MYO10: variants seen among roughly 807,000 people sequenced by gnomAD.
MYO10 encodes the protein unconventional myosin-X.
A neutral mutation model predicts 257.3 loss-of-function variants in MYO10; 133 were observed. The observed-to-expected ratio is 0.52, with a 90% confidence interval of 0.45 to 0.60. The LOEUF (loss-of-function observed/expected upper bound fraction) is 0.60, where lower values mean the gene tolerates loss of function less well. MYO10 is among the 20% of genes least tolerant of loss of function. The pLI, the probability that MYO10 is intolerant of heterozygous loss-of-function variation, is 0.00. For synonymous variants in MYO10, 1,104 were observed against 1,028.6 expected, an observed-to-expected ratio of 1.07 and a Z score of -1.40; for missense variants, 2,399 against 2,635.7, an observed-to-expected ratio of 0.91 and a Z score of 1.97.
chr5:16,789,648 C>T (rs1741695797), intron 4 of MYO10, among the ~76,000 whole-genome samples: 1 of 152,090 alleles, frequency 6.6e-6, no homozygotes, highest in African/African-American at 2.4e-5. Flanking sequence ...AAAAAGTTAG[C>T]CAGCCATGAT....
chr5:16,668,295 C>G lies in MYO10; in HGVS notation c.6057G>C (p.Leu2019=). 1.9e-6 allele frequency: 3 copies of G among 1,612,266 alleles called. No homozygotes were observed. The highest frequency in any genetic ancestry group is 2.5e-6 in the Non-Finnish European group (3 of 1,179,216). ...TYKIVVDERE[L]LFETSEVVDV... The stretch of plus-strand genomic sequence containing the variant: ...CTCTTACCTCACTGGTTTCAAAGAG[C>G]AGCTCCCTCTCATCGACCACGATCT... The change falls in exon 40 of 41, where the codon CTG becomes CTC. Residue 2019 remains leucine (L), a synonymous_variant. Coordinates refer to ENST00000513610, the MANE Select transcript of MYO10 (RefSeq NM_012334.3).
intron 2 of MYO10, among the ~76,000 whole-genome samples, chr5:16,862,461 G>A (rs539215788): frequency 2.0e-5 from 3 of 152,228 alleles, no homozygotes; most frequent in South Asian, 2.1e-4. Context: ...AAATCACACC[G>A]GCATTAAATG....
intron 2 of MYO10, among the ~76,000 whole-genome samples, chr5:16,854,864 T>C (rs2560859): frequency 0.033 from 4,942 of 152,030 alleles, 266 homozygotes; most frequent in African/African-American, 0.11. Flanking sequence ...AAACTCTATC[T>C]CTACTAAAAA....
At chr5:16,685,939 G>T in intron 28 of MYO10, 108 bp from the exon 29 acceptor site, 1 of 787,822 alleles carries the variant, frequency 1.3e-6, no homozygotes, top group Non-Finnish European at 2.1e-6. Context: ...AAGCACCTTT[G>T]CTTTTAATTT....
chr5:16,923,290 CTTCTT>C (rs1468444795), intron 1 of MYO10, among the ~76,000 whole-genome samples: 2 of 151,562 alleles, frequency 1.3e-5, no homozygotes, highest in South Asian at 2.1e-4. Context: ...GCACTAAACT[CTTCTT>C]TTTTTTTTTT....
intron 1 of MYO10, among the ~76,000 whole-genome samples, chr5:16,924,566 AC>A (rs1421768930): frequency 6.6e-6 from 1 of 152,220 alleles, no homozygotes; most frequent in Non-Finnish European, 1.5e-5. Context: ...TCAAATAGGC[AC>A]GCAATGACTT....
chr5:16,724,549 G>T (rs898799341), intron 19 of MYO10, among the ~76,000 whole-genome samples: 1 of 151,066 alleles, frequency 6.6e-6, no homozygotes, highest in African/African-American at 2.5e-5. Flanking sequence ...TGCCCAAAAC[G>T]CAGCTCGATA....
At chr5:16,764,417 C>T (rs1740806378) in intron 11 of MYO10, 21 bp from the exon 12 acceptor site, 30 of 1,612,610 alleles carry the variant, frequency 1.9e-5, no homozygotes, top group Non-Finnish European at 2.5e-5. Flanking sequence ...GAAACCAGCA[C>T]AGACTCAGCT....
intron 2 of MYO10, among the ~76,000 whole-genome samples, chr5:16,826,271 C>T (rs1017410214): frequency 2.6e-5 from 4 of 152,114 alleles, no homozygotes; most frequent in Non-Finnish European, 4.4e-5. Flanking sequence ...CTACCTATAA[C>T]TTAAGGACAA....
At chr5:16,706,190 C>T (rs1242728410) in intron 21 of MYO10, among the ~76,000 whole-genome samples, 1 of 151,930 alleles carries the variant, frequency 6.6e-6, no homozygotes, top group African/African-American at 2.4e-5. Flanking sequence ...CTCAAAGCAA[C>T]ATATATACAT....
At chr5:16,892,225 C>T (rs1183845000) in intron 1 of MYO10, among the ~76,000 whole-genome samples, 1 of 152,194 alleles carries the variant, frequency 6.6e-6, no homozygotes, top group Non-Finnish European at 1.5e-5. Context: ...TCCAGCTCTT[C>T]TACCCATAGC....
intron 3 of MYO10, among the ~76,000 whole-genome samples, chr5:16,817,228 G>A (rs991540574): frequency 2.0e-5 from 3 of 152,102 alleles, no homozygotes; most frequent in Non-Finnish European, 4.4e-5. Context: ...TATAATTTTG[G>A]CTTAAAAACT....
At chr5:16,885,730 T>C (rs931748914) in intron 1 of MYO10, among the ~76,000 whole-genome samples, 1 of 150,970 alleles carries the variant, frequency 6.6e-6, no homozygotes, top group East Asian at 1.9e-4. Context: ...ATCACAGGTA[T>C]AAAATGAGTA....
intron 19 of MYO10, among the ~76,000 whole-genome samples, chr5:16,746,420 C>T (rs1358271834): frequency 6.6e-6 from 1 of 152,202 alleles, no homozygotes; most frequent in Non-Finnish European, 1.5e-5. Flanking sequence ...TTTTCCCCAG[C>T]TCCTATTCAA....
At chr5:16,734,711 A>C (rs1739720432) in intron 19 of MYO10, among the ~76,000 whole-genome samples, 2 of 151,712 alleles carry the variant, frequency 1.3e-5, no homozygotes, top group Non-Finnish European at 2.9e-5. Context: ...AGGCTAAGGC[A>C]GGAGAATCAC....
intron 19 of MYO10, chr5:16,713,252 G>C (rs1738701088): frequency 1.1e-6 from 1 of 924,026 alleles, no homozygotes; most frequent in Non-Finnish European, 1.3e-6. Flanking sequence ...CAATTCCCCA[G>C]TCCGAAGCTC....
At chr5:16,746,597 G>C (rs188519097) in intron 19 of MYO10, among the ~76,000 whole-genome samples, 2 of 152,096 alleles carry the variant, frequency 1.3e-5, no homozygotes, top group African/African-American at 4.8e-5. Context: ...TCTTTTAAGC[G>C]GAGTTGAAAT....
intron 19 of MYO10, among the ~76,000 whole-genome samples, chr5:16,747,886 T>C (rs1740246892): frequency 1.7e-5 from 2 of 118,938 alleles, no homozygotes; most frequent in African/African-American, 6.2e-5. Flanking sequence ...GCCACTGCAC[T>C]CTAGACTGGG....
chr5:16,804,493 C>T (rs986665587), intron 3 of MYO10, among the ~76,000 whole-genome samples: 1 of 152,202 alleles, frequency 6.6e-6, no homozygotes, highest in Admixed American at 6.5e-5. Flanking sequence ...ATGCACATGA[C>T]AAATGGCACT....
Sources: allele counts gnomAD v4.1 joint callset (sites outside exome capture counted in the v4.1 genomes callset), GRCh38; gene constraint gnomAD v4.1.1; transcripts MANE v1.5; gene names NCBI Gene and HGNC (gene_info 2026-07-23, HGNC 2026-07-21).